SRCAP: variants seen among roughly 807,000 people sequenced by gnomAD.
The protein encoded by SRCAP is chromatin remodeling protein SRCAP.
SRCAP carries 46 observed loss-of-function variants against 263.1 expected under a neutral mutation model. That is an observed-to-expected ratio of 0.17 (90% CI 0.14 to 0.22). The LOEUF (loss-of-function observed/expected upper bound fraction) is 0.22. Among genes scored for constraint, SRCAP ranks in the 10% least tolerant of loss-of-function variants. SRCAP has a pLI of 1.00. For missense variants in SRCAP, 3,695 were observed against 4,181.9 expected (o/e 0.88, Z 3.21); for synonymous variants, 1,813 against 1,662.1 (o/e 1.09, Z -2.21).
chr16:30,723,155 G>T lies in SRCAP; in HGVS notation c.4085G>T (p.Arg1362Leu), dbSNP rs777073710. 6.2e-7 allele frequency: 1 copy of T among 1,614,042 alleles called. No individual in the cohort carries two copies. The highest frequency in any genetic ancestry group is 1.1e-5 in the South Asian group (1 of 91,074). Residue 1362 changes from arginine to leucine, a missense_variant, in exon 24 of 34, where the codon CGA (arginine) becomes CTA (leucine). Coordinates refer to ENST00000262518, the MANE Select transcript of SRCAP (RefSeq NM_006662.3). ...RLPTPTLGTA[R>L]APMPTPTLVR... ...CCCACACCTACTCTGGGTACTGCTCGAGCCCCCATGCCCACACCCACTCTG... is the reference window on the plus strand; with the variant it reads ...CCCACACCTACTCTGGGTACTGCTCTAGCCCCCATGCCCACACCCACTCTG...
chr16:30,735,117 T>G (rs2053146518), intron 31 of SRCAP, among the ~76,000 whole-genome samples: 3 of 151,622 alleles, frequency 2.0e-5, no homozygotes, highest in Admixed American at 2.0e-4. Context: ...GAAACAGCGT[T>G]TCACATTAAG....
chr16:30,720,290 C>T lies in SRCAP; in HGVS notation c.2946C>T (p.Asp982=). Residue 982 remains aspartate, a synonymous_variant, in exon 19 of 34, where the codon GAC becomes GAT. Coordinates refer to ENST00000262518, the MANE Select transcript of SRCAP (RefSeq NM_006662.3). ...TGTTAGAAGTGGCTACTGCTCCTGACCCCCCACCCCGGCCCAAGCCAGTCA... is the reference window on the plus strand; with the variant it reads ...TGTTAGAAGTGGCTACTGCTCCTGATCCCCCACCCCGGCCCAAGCCAGTCA... ...RVLLEVATAP[D]PPPRPKPVKM... 6.2e-7 allele frequency: 1 copy of T among 1,613,898 alleles called. No homozygotes were observed. The highest frequency in any genetic ancestry group is 1.3e-5 in the African/African-American group (1 of 75,010).
intron 16 of SRCAP, 101 bp from the exon 17 acceptor site, chr16:30,715,965 T>C: frequency 6.8e-7 from 1 of 1,471,510 alleles, no homozygotes; most frequent in Non-Finnish European, 9.3e-7. Context: ...TGGTGTCTGA[T>C]ATGGTGTGCC....
Position 30,704,128 on chromosome 16 carries a change from C to G in SRCAP, c.119C>G (p.Ser40Cys). The G allele has an allele frequency of 6.2e-7, 1 of 1,614,196 alleles. No homozygotes were observed. Among genetic ancestry groups the G allele is most frequent in the Non-Finnish European group, 8.5e-7 (1 of 1,180,042 alleles). Reference sequence around the variant, plus strand: ...CCTGCCTCATCCAGTTCCCCAGCCTCTAGTGGGGCAGGCGGCATCTCCCCG... The same window carrying G: ...CCTGCCTCATCCAGTTCCCCAGCCTGTAGTGGGGCAGGCGGCATCTCCCCG... ...VSPASSSSPA[S>C]SGAGGISPQH... Residue 40 changes from serine (S) to cysteine (C), a missense_variant, in exon 4 of 34, where the codon TCT becomes TGT. Ser to Cys is a moderately radical substitution (Grantham distance 112). This residue lies in a region of SRCAP where 122 missense variants were observed against 116.9 expected (regional missense o/e 1.04). Transcript: ENST00000262518.
chr16:30,739,909 G>T lies in SRCAP; in HGVS notation c.*176G>T. On this transcript the variant is annotated 3_prime_UTR_variant, in exon 34 of 34. Coordinates refer to ENST00000262518, the MANE Select transcript of SRCAP (RefSeq NM_006662.3). ...GGCAACTGGTTGTCATGGAAATGGG[G>T]ATCATCACAGTCCCCTTCCCCTTCA... The T allele has an allele frequency of 1.9e-6, 2 of 1,034,230 alleles. No homozygotes were observed. Among genetic ancestry groups the T allele is most frequent in the South Asian group, 4.2e-5 (2 of 48,076 alleles). The allele number at this position is 1,034,230 out of a possible 1,614,324, so 64.1% of individuals were successfully genotyped here.
rs542939766 is a variant in SRCAP, at chr16:30,722,538, CTCTT to C, written c.3707-21_3707-18del. On this transcript the variant is annotated intron_variant, in intron 22 of 33. Transcript: ENST00000262518. ...CTCAGGCTGATAGCTGCTTCTCTCTCTCTTTCTCTCTTCCCTTAACCCAGGGAAT... is the reference window on the plus strand; with the variant it reads ...CTCAGGCTGATAGCTGCTTCTCTCTCTCTCTCTTCCCTTAACCCAGGGAAT... 3,204 of 1,611,890 alleles carry C rather than the reference CTCTT, an allele frequency of 2.0e-3. 1 individual carries two copies. Among genetic ancestry groups the C allele is most frequent in the Non-Finnish European group, 2.3e-3 (2,653 of 1,178,350 alleles).
At chr16:30,716,618 C>T (rs1156268423) in intron 18 of SRCAP, 139 bp downstream of exon 18, 5 of 769,036 alleles carry the variant, frequency 6.5e-6, no homozygotes, top group African/African-American at 5.2e-5. Context: ...TGTACTCTAG[C>T]CATGTGACTT....
intron 18 of SRCAP, among the ~76,000 whole-genome samples, chr16:30,719,248 C>T (rs1345360241): frequency 6.6e-6 from 1 of 150,398 alleles, no homozygotes; most frequent in Non-Finnish European, 1.5e-5. Flanking sequence ...TGGAGTCTCA[C>T]TCTGTCACCC....
chr16:30,712,034 A>T lies in SRCAP; in HGVS notation c.1692A>T (p.Ala564=). The part of the protein sequence containing the change: ...LLARDEEQSE[A]DAGSGPPTPG... ...CCAGGGATGAAGAGCAGAGTGAGGC[A>T]GATGCAGGCAGTGGGCCTCCTACTC... The change falls in exon 12 of 34, where the codon GCA becomes GCT. Residue 564 remains alanine, a synonymous_variant. Transcript: ENST00000262518. The T allele has an allele frequency of 6.2e-7, 1 of 1,614,088 alleles. No individual in the cohort carries two copies. Among genetic ancestry groups the T allele is most frequent in the Admixed American group, 1.7e-5 (1 of 60,004 alleles).
chr16:30,710,760 C>T lies in SRCAP; in HGVS notation c.1141C>T (p.Pro381Ser), dbSNP rs1180947171. The T allele has an allele frequency of 6.2e-7, 1 of 1,614,170 alleles. No individual in the cohort carries two copies. Among genetic ancestry groups the T allele is most frequent in the Non-Finnish European group, 8.5e-7 (1 of 1,180,032 alleles). The change falls in exon 9 of 34, where the codon CCC becomes TCC. Residue 381 changes from proline to serine, a missense_variant. Physicochemically the swap from Pro to Ser is moderately conservative, Grantham distance 74. This residue lies in a region of SRCAP where 288 missense variants were observed against 302.4 expected (regional missense o/e 0.95). Transcript: ENST00000262518. ...EEPPQVLEIK[P>S]PPSAVTQRNK... Reference sequence around the variant, plus strand: ...TTTATCTTTTGCCATACAGATAAAGCCCCCACCCTCTGCTGTCACACAGCG... The same window carrying T: ...TTTATCTTTTGCCATACAGATAAAGTCCCCACCCTCTGCTGTCACACAGCG...
intron 25 of SRCAP, 139 bp from the exon 26 acceptor site, chr16:30,728,827 A>T: frequency 9.8e-7 from 1 of 1,023,412 alleles, no homozygotes; most frequent in Admixed American, 2.7e-5. Context: ...CTCATTGATA[A>T]CTTGGAAAAC....
At chr16:30,723,540 T>TC in intron 24 of SRCAP, 44 bp from the exon 25 acceptor site, 1 of 1,575,046 alleles carries the variant, frequency 6.3e-7, no homozygotes, top group South Asian at 1.2e-5. Context: ...GTAGAAAGGC[T>TC]CAGGAAAAGA....
chr16:30,716,554 C>G (rs1234074345), intron 18 of SRCAP, 75 bp downstream of exon 18: 1 of 1,408,322 alleles, frequency 7.1e-7, no homozygotes, highest in Non-Finnish European at 9.7e-7. Flanking sequence ...TTTCGTTAGA[C>G]TGGGGTCTGA....
At chr16:30,705,016 C>A (rs1329066948) in intron 4 of SRCAP, among the ~76,000 whole-genome samples, 2 of 152,154 alleles carry the variant, frequency 1.3e-5, no homozygotes, top group East Asian at 3.9e-4. Context: ...AACACAAATT[C>A]TTTGCCGGGC....
At chr16:30,706,789 T>C (rs2052832676) in intron 4 of SRCAP, among the ~76,000 whole-genome samples, 1 of 152,172 alleles carries the variant, frequency 6.6e-6, no homozygotes, top group Non-Finnish European at 1.5e-5. Flanking sequence ...GAGGGAAGTA[T>C]GTGTTCCCTA....
At position 30,716,218 on chromosome 16, in the gene SRCAP, G is replaced by A. The variant is rs529383491; in HGVS notation, c.2630+16G>A. 1 of 1,613,934 alleles carries A rather than the reference G, an allele frequency of 6.2e-7. No individual in the cohort carries two copies. The highest frequency in any genetic ancestry group is 8.5e-7 in the Non-Finnish European group (1 of 1,179,818). On this transcript the variant is annotated intron_variant, in intron 17 of 33. Coordinates refer to ENST00000262518, the MANE Select transcript of SRCAP (RefSeq NM_006662.3). ...CACAGACCACGTAAGGGAGGAAGGAGGGTGGGCCCTGGGACTCGAGATTGG... is the reference window on the plus strand; with the variant it reads ...CACAGACCACGTAAGGGAGGAAGGAAGGTGGGCCCTGGGACTCGAGATTGG...
chr16:30,731,970 C>A (rs2053118306), intron 27 of SRCAP, among the ~76,000 whole-genome samples: 2 of 151,318 alleles, frequency 1.3e-5, no homozygotes, highest in African/African-American at 4.9e-5. Context: ...CATGGCGAAA[C>A]CCTGTCTCTA....
rs778780855 is a variant in SRCAP at position 30,724,855 on chromosome 16, G to C, written c.5431G>C (p.Ala1811Pro). Reference protein sequence around the residue: ...AAAQTLALAPASTQSPASQAS... With the variant: ...AAAQTLALAPPSTQSPASQAS... ...AGCTCAGACCTTGGCGCTGGCCCCA[G>C]CCTCCACACAGTCCCCAGCTTCCCA... The change falls in exon 25 of 34, where the codon GCC becomes CCC. Residue 1811 changes from alanine (A) to proline (P), a missense_variant. Ala to Pro is a conservative substitution (Grantham distance 27, BLOSUM62 -1). Around this residue, in one of 12 missense-constraint regions of SRCAP, gnomAD observed 1,347 missense variants for 1,304.4 expected, o/e 1.03. Coordinates refer to ENST00000262518, the MANE Select transcript of SRCAP (RefSeq NM_006662.3). The C allele has an allele frequency of 1.2e-5, 20 of 1,614,128 alleles. No homozygotes were observed. Among genetic ancestry groups the C allele is most frequent in the Non-Finnish European group, 1.7e-5 (20 of 1,179,978 alleles).
rs774274306 is a variant in SRCAP at position 30,739,623 on chromosome 16, C to A, written c.9583C>A (p.Arg3195=). Reference sequence around the variant, plus strand: ...CCCACGCCGACGTCCTGGCCCCCGCCGGCTTGTTGGGACCACCAACCAAGG... The same window carrying A: ...CCCACGCCGACGTCCTGGCCCCCGCAGGCTTGTTGGGACCACCAACCAAGG... The part of the protein sequence containing the change: ...GTPRRRPGPR[R]LVGTTNQGDQ... Residue 3195 remains arginine (R), a synonymous_variant, in exon 34 of 34, where the codon CGG becomes AGG. Transcript: ENST00000262518. The A allele has an allele frequency of 1.3e-6, 2 of 1,591,116 alleles. No homozygotes were observed. The highest frequency in any genetic ancestry group is 1.7e-6 in the Non-Finnish European group (2 of 1,169,792).
Sources: allele counts gnomAD v4.1 joint callset (sites outside exome capture counted in the v4.1 genomes callset), GRCh38; gene constraint gnomAD v4.1.1; regional missense constraint gnomAD v4.1.1; transcripts MANE v1.5; gene names NCBI Gene and HGNC (gene_info 2026-07-23, HGNC 2026-07-21).